Variants in POLD3 observed in about 807,000 individuals in gnomAD.
The protein encoded by POLD3 is DNA polymerase delta subunit 3.
In POLD3, 19 loss-of-function variants were observed where a neutral mutation model predicts 58.2. The ratio of observed to expected loss-of-function variants is 0.33; its 90% CI spans 0.23 to 0.48. POLD3 has a LOEUF of 0.48. Among genes scored for constraint, POLD3 ranks in the 20% least tolerant of loss-of-function variants. POLD3 has a pLI of 0.99. For missense variants in POLD3, 504 were observed against 545.5 expected, an observed-to-expected ratio of 0.92 and a Z score of 0.76; for synonymous variants, 172 against 193.5, an observed-to-expected ratio of 0.89 and a Z score of 0.92.
At chr11:74,614,253 C>G (rs1257439049) in intron 5 of POLD3, among the ~76,000 whole-genome samples, 1 of 152,198 alleles carries the variant, frequency 6.6e-6, no homozygotes, top group Non-Finnish European at 1.5e-5. Context: ...AAAGATTGCT[C>G]TGGTTGCAGT....
intron 7 of POLD3, among the ~76,000 whole-genome samples, chr11:74,622,333 G>A (rs537143914): frequency 2.0e-5 from 3 of 152,082 alleles, no homozygotes; most frequent in East Asian, 3.9e-4. Context: ...ATAAACATAC[G>A]TGTGCATGTA....
At chr11:74,628,957 A>G (rs1366091247) in intron 8 of POLD3, 1 of 286,082 alleles carries the variant, frequency 3.5e-6, no homozygotes, top group African/African-American at 2.2e-5. Flanking sequence ...ATTTGGAAAG[A>G]TTCTTGATAA....
chr11:74,644,948 A>G (rs1350104148), downstream of POLD3, among the ~76,000 whole-genome samples: 1 of 152,202 alleles, frequency 6.6e-6, no homozygotes, highest in Non-Finnish European at 1.5e-5. Context: ...GTTTGGGATC[A>G]GTCAGATCCA....
chr11:74,629,640 A>C (rs563617461), intron 9 of POLD3, among the ~76,000 whole-genome samples: 5 of 150,618 alleles, frequency 3.3e-5, no homozygotes, highest in African/African-American at 9.8e-5. Flanking sequence ...CTTCATGTGA[A>C]TCTTTTAAAA....
intron 5 of POLD3, among the ~76,000 whole-genome samples, chr11:74,614,897 T>G (rs572164301): frequency 6.6e-6 from 1 of 151,970 alleles, no homozygotes; most frequent in South Asian, 2.1e-4. Context: ...AATGACAAAT[T>G]GGGTTTTAGA....
chr11:74,603,812 G>C (rs987067076), intron 2 of POLD3, among the ~76,000 whole-genome samples: 3 of 152,128 alleles, frequency 2.0e-5, no homozygotes, highest in African/African-American at 7.2e-5. Flanking sequence ...GCTATGCTTG[G>C]CAGAAGTATA....
chr11:74,634,536 A>T, intron 9 of POLD3, 47 bp from the exon 10 acceptor site: 1 of 1,003,562 alleles, frequency 1.0e-6, no homozygotes, highest in Non-Finnish European at 1.6e-6. Context: ...GCTTTATACC[A>T]GATAGTGCTT....
chr11:74,612,611 C>G (rs755185424), intron 4 of POLD3, among the ~76,000 whole-genome samples: 3 of 152,148 alleles, frequency 2.0e-5, no homozygotes, highest in Non-Finnish European at 2.9e-5. Flanking sequence ...CATCATCAAT[C>G]ATTAATATTT....
chr11:74,614,505 T>A (rs2032018596), intron 5 of POLD3, among the ~76,000 whole-genome samples: 1 of 152,100 alleles, frequency 6.6e-6, no homozygotes, highest in Admixed American at 6.6e-5. Context: ...GGTCAGGAGA[T>A]TGAGACCATC....
At chr11:74,623,542 T>A (rs934488439) in intron 7 of POLD3, among the ~76,000 whole-genome samples, 2 of 152,096 alleles carry the variant, frequency 1.3e-5, no homozygotes, top group African/African-American at 4.8e-5. Context: ...GTGATGAAAA[T>A]GCTCTAAAAT....
intron 2 of POLD3, among the ~76,000 whole-genome samples, chr11:74,596,475 C>T (rs988173528): frequency 8.5e-5 from 13 of 152,174 alleles, no homozygotes; most frequent in East Asian, 3.9e-4. Context: ...TGTGAGCCAT[C>T]GTGCCAAGCC....
At position 74,640,628 on chromosome 11, in the gene POLD3, A is replaced by G; in HGVS notation, c.1263A>G (p.Thr421=). The G allele has an allele frequency of 6.2e-7, 1 of 1,608,350 alleles. No individual in the cohort carries two copies. Among genetic ancestry groups the G allele is most frequent in the South Asian group, 1.1e-5 (1 of 89,824 alleles). ...TDSEEELNMK[T]SSVHRPPAMT... is the part of the protein sequence containing the mutation. ...GTGAAGAGGAGCTTAACATGAAGAC[A>G]TCCTCAGTACACAGACCCCCTGCCA... The change falls in exon 12 of 12, where the codon ACA becomes ACG. Residue 421 remains threonine, a synonymous_variant. Transcript: ENST00000263681.
chr11:74,614,325 C>T (rs2032011267), intron 5 of POLD3, among the ~76,000 whole-genome samples: 1 of 152,170 alleles, frequency 6.6e-6, no homozygotes, highest in African/African-American at 2.4e-5. Context: ...AGAAATGTGG[C>T]AGTAATCCAG....
At chr11:74,636,616 G>T (rs1228355794) in intron 11 of POLD3, among the ~76,000 whole-genome samples, 1 of 152,118 alleles carries the variant, frequency 6.6e-6, no homozygotes, top group Non-Finnish European at 1.5e-5. Context: ...CCAAAAACAA[G>T]ATGGAAACCA....
chr11:74,609,382 T>TATAA (rs2031825551), intron 3 of POLD3, among the ~76,000 whole-genome samples: 1 of 24,700 alleles, frequency 4.0e-5, no homozygotes, highest in South Asian at 1.5e-3. Context: ...ATTTTTTTTT[T>TATAA]TTTTTTTTTT....
At chr11:74,610,743 A>G (rs190447936) in intron 3 of POLD3, among the ~76,000 whole-genome samples, 2 of 152,130 alleles carry the variant, frequency 1.3e-5, no homozygotes, top group African/African-American at 2.4e-5. Flanking sequence ...AGCAGGTTAT[A>G]GAATTCACAC....
chr11:74,648,293 A>G (rs944024821), intron 4 of POLD3, among the ~76,000 whole-genome samples: 1 of 152,152 alleles, frequency 6.6e-6, no homozygotes, highest in Non-Finnish European at 1.5e-5. Flanking sequence ...TAGGCTAGAG[A>G]TGAAGGCTTT....
At position 74,627,836 on chromosome 11, in the gene POLD3, A is replaced by G. The variant is rs79212677; in HGVS notation, c.900-1381A>G. Reference sequence around the variant, plus strand: ...TGAGTATACTCTGTGATGTTCACACAGTGAAGTCACCTAACAATGCATTTC... The same window carrying G: ...TGAGTATACTCTGTGATGTTCACACGGTGAAGTCACCTAACAATGCATTTC... On this transcript the variant is annotated intron_variant, in intron 8 of 11. Coordinates refer to ENST00000263681, the MANE Select transcript of POLD3 (RefSeq NM_006591.3). Among the ~76,000 whole-genome samples, 1,399 of 152,300 alleles carry G rather than the reference A, an allele frequency of 9.2e-3. 20 individuals are homozygous for G. The highest frequency in any genetic ancestry group is 0.032 in the African/African-American group (1,329 of 41,566).
At chr11:74,664,430 T>C (rs2186955) in intron 4 of POLD3, among the ~76,000 whole-genome samples, 29,112 of 152,074 alleles carry the variant, frequency 0.19, 2,886 homozygotes, top group Middle Eastern at 0.29. Flanking sequence ...GGAGTACAGC[T>C]CAGCAATAAA....
Sources: gnomAD v4.1 joint callset for allele counts (sites outside exome capture counted in the v4.1 genomes callset) on GRCh38, gnomAD v4.1.1 for gene constraint, MANE v1.5 for transcripts, NCBI Gene and HGNC (gene_info 2026-07-23, HGNC 2026-07-21) for gene names.